Variants in KCNB2 observed in about 807,000 individuals in gnomAD.
The protein encoded by KCNB2 is potassium voltage-gated channel subfamily B member 2, also known as delayed rectifier potassium channel protein.
In KCNB2, 15 loss-of-function variants were observed where a neutral mutation model predicts 61.5. The observed-to-expected ratio is 0.24, with a 90% CI of 0.16 to 0.38. The LOEUF (loss-of-function observed/expected upper bound fraction) is 0.38, where lower values mean the gene tolerates loss of function less well. Among genes scored for constraint, KCNB2 ranks in the 10% least tolerant of loss-of-function variants. The pLI, the probability that KCNB2 is intolerant of heterozygous loss-of-function variation, is 1.00. For missense variants in KCNB2, 828 were observed against 1,125.2 expected (o/e 0.74, Z 3.78); for synonymous variants, 457 against 446.0 (o/e 1.02, Z -0.31).
At chr8:72,882,845 G>A (rs138412267) in intron 2 of KCNB2, among the ~76,000 whole-genome samples, 1 of 152,300 alleles carries the variant, frequency 6.6e-6, no homozygotes, top group Admixed American at 6.5e-5. Context: ...AAAATCAGGA[G>A]ATTTCACATT....
In KCNB2 at chr8:72,933,148, G is replaced by A. The variant is rs188420052; in HGVS notation, c.580-2787G>A. 1.3e-3 allele frequency among the ~76,000 whole-genome samples: 201 copies of A among 152,306 alleles called. 1 individual carries two copies. Among genetic ancestry groups the A allele is most frequent in the African/African-American group, 4.6e-3 (193 of 41,568 alleles). On this transcript the variant is annotated intron_variant, in intron 2 of 2. Transcript: ENST00000523207. ...TTAGTAACTATTTGTCTTCAAGAAT[G>A]TGTCCTAAATCCTGTTCTGCATATG...
At chr8:72,851,908 A>G (rs1810123653) in intron 2 of KCNB2, among the ~76,000 whole-genome samples, 1 of 142,392 alleles carries the variant, frequency 7.0e-6, no homozygotes. Flanking sequence ...GATTAGATAT[A>G]AGAAAATCTG....
intron 2 of KCNB2, among the ~76,000 whole-genome samples, chr8:72,853,958 A>G (rs974746649): frequency 6.6e-6 from 1 of 152,190 alleles, no homozygotes; most frequent in African/African-American, 2.4e-5. Flanking sequence ...TACCCTCCTC[A>G]CTATCCATGA....
chr8:72,761,140 A>T (rs1563582742), intron 2 of KCNB2, among the ~76,000 whole-genome samples: 1 of 152,158 alleles, frequency 6.6e-6, no homozygotes, highest in East Asian at 1.9e-4. Context: ...TTTAGGGAGC[A>T]AGGTCAGTCT....
chr8:72,552,997 C>T (rs769163602), intron 1 of KCNB2, among the ~76,000 whole-genome samples: 6 of 151,754 alleles, frequency 4.0e-5, no homozygotes, highest in South Asian at 2.1e-4. Flanking sequence ...TTCTTTTGCA[C>T]GTTCATTTCT....
intron 2 of KCNB2, among the ~76,000 whole-genome samples, chr8:72,588,912 A>G (rs1807044950): frequency 6.6e-6 from 1 of 152,004 alleles, no homozygotes; most frequent in African/African-American, 2.4e-5. Flanking sequence ...AAGAACAACA[A>G]CAAAGCAACA....
At chr8:72,794,522 G>A (rs538147902) in intron 2 of KCNB2, among the ~76,000 whole-genome samples, 70 of 135,718 alleles carry the variant, frequency 5.2e-4, no homozygotes, top group Middle Eastern at 5.1e-3. Flanking sequence ...CTGAGATCGC[G>A]CCACTGCACT....
intron 2 of KCNB2, among the ~76,000 whole-genome samples, chr8:72,586,818 C>T (rs58199188): frequency 0.12 from 17,687 of 152,168 alleles, 1,418 homozygotes; most frequent in East Asian, 0.48. Flanking sequence ...ACAATCCAAC[C>T]ACATCACATT....
At chr8:72,778,168 A>G (rs1217340169) in intron 2 of KCNB2, among the ~76,000 whole-genome samples, 1 of 152,224 alleles carries the variant, frequency 6.6e-6, no homozygotes, top group Non-Finnish European at 1.5e-5. Flanking sequence ...GATATTTATA[A>G]TTAATACTCT....
intron 2 of KCNB2, among the ~76,000 whole-genome samples, chr8:72,716,246 G>T (rs1207485304): frequency 6.6e-6 from 1 of 152,162 alleles, no homozygotes; most frequent in East Asian, 1.9e-4. Context: ...AGGAGGAACT[G>T]GTACCATTCC....
At chr8:72,576,318 G>T (rs545831862) in intron 2 of KCNB2, among the ~76,000 whole-genome samples, 13 of 152,290 alleles carry the variant, frequency 8.5e-5, no homozygotes, top group Middle Eastern at 3.4e-3. Context: ...CTTTGAGAGT[G>T]AGCGAGCTTA....
At chr8:72,849,996 T>C (rs1585930545) in intron 2 of KCNB2, among the ~76,000 whole-genome samples, 1 of 152,168 alleles carries the variant, frequency 6.6e-6, no homozygotes, top group East Asian at 1.9e-4. Context: ...CCATATCTAG[T>C]CTGTCTTTGT....
At chr8:72,544,735 A>G (rs1472893912) in intron 1 of KCNB2, among the ~76,000 whole-genome samples, 7 of 152,190 alleles carry the variant, frequency 4.6e-5, no homozygotes, top group African/African-American at 1.4e-4. Flanking sequence ...TCAGTGGTTA[A>G]TAGAGTGGAC....
chr8:72,913,635 A>G (rs1305103263), intron 2 of KCNB2, among the ~76,000 whole-genome samples: 2 of 152,122 alleles, frequency 1.3e-5, no homozygotes, highest in Admixed American at 6.5e-5. Context: ...GAGGGCCACA[A>G]TGCACTCTCA....
At chr8:72,771,605 G>T (rs55767556) in intron 2 of KCNB2, among the ~76,000 whole-genome samples, 1 of 151,844 alleles carries the variant, frequency 6.6e-6, no homozygotes, top group Non-Finnish European at 1.5e-5. Flanking sequence ...GGGAATTTTA[G>T]GTTCTGTGAT....
At chr8:72,753,601 A>G (rs1192508330) in intron 2 of KCNB2, among the ~76,000 whole-genome samples, 2 of 152,176 alleles carry the variant, frequency 1.3e-5, no homozygotes, top group Non-Finnish European at 2.9e-5. Flanking sequence ...TGACCCTCAT[A>G]TCAACTATGT....
chr8:72,882,960 C>G (rs1805742526), intron 2 of KCNB2, among the ~76,000 whole-genome samples: 1 of 152,190 alleles, frequency 6.6e-6, no homozygotes, highest in Admixed American at 6.5e-5. Context: ...CCACTTCCCT[C>G]TTTATCTGCC....
chr8:72,656,865 G>A (rs1048020306), intron 2 of KCNB2, among the ~76,000 whole-genome samples: 1 of 152,014 alleles, frequency 6.6e-6, no homozygotes, highest in South Asian at 2.1e-4. Flanking sequence ...CTTAGGACCA[G>A]CAGCTCACTT....
At chr8:72,647,417 G>A (rs1041384999) in intron 2 of KCNB2, among the ~76,000 whole-genome samples, 35 of 151,754 alleles carry the variant, frequency 2.3e-4, no homozygotes, top group African/African-American at 7.5e-4. Context: ...TCGGTGCCAC[G>A]GAAATTAATA....
Sources: gnomAD v4.1 joint callset for allele counts (sites outside exome capture counted in the v4.1 genomes callset) on GRCh38, gnomAD v4.1.1 for gene constraint, MANE v1.5 for transcripts, NCBI Gene and HGNC (gene_info 2026-07-23, HGNC 2026-07-21) for gene names.